Variants in KCND3 observed in about 807,000 individuals in gnomAD.
KCND3 encodes the protein potassium voltage-gated channel subfamily D member 3, also known as A-type voltage-gated potassium channel KCND3.
A neutral mutation model predicts 51.1 loss-of-function variants in KCND3; 9 were observed. That is an observed-to-expected ratio of 0.18 (90% confidence interval 0.11 to 0.31). KCND3 has a LOEUF of 0.31. Ranked by LOEUF, KCND3 falls within the 10% of genes least tolerant of loss-of-function variation. The probability of loss-of-function intolerance (pLI) is 1.00; values close to 1 mark genes in which losing one functional copy is unlikely to be tolerated. For synonymous variants in KCND3, 349 were observed against 368.0 expected (o/e 0.95, Z 0.59); for missense variants, 526 against 903.8 (o/e 0.58, Z 5.36).
chr1:111,950,692 G>A (rs1673018357), intron 2 of KCND3, among the ~76,000 whole-genome samples: 1 of 152,176 alleles, frequency 6.6e-6, no homozygotes, highest in Non-Finnish European at 1.5e-5. Flanking sequence ...AAAGGAGGAG[G>A]GCCTGGTCAG....
chr1:111,823,979 T>G (rs1204150238), intron 2 of KCND3, among the ~76,000 whole-genome samples: 1 of 152,176 alleles, frequency 6.6e-6, no homozygotes, highest in East Asian at 1.9e-4. Context: ...TGCCCAGCAC[T>G]GAGGAGTAGT....
chr1:111,901,709 CTT>C (rs1670392060), intron 2 of KCND3, among the ~76,000 whole-genome samples: 1 of 152,102 alleles, frequency 6.6e-6, no homozygotes, highest in South Asian at 2.1e-4. Context: ...AGAATGCTTT[CTT>C]TTTTTCTGAG....
At chr1:111,863,803 C>T (rs1245644662) in intron 2 of KCND3, among the ~76,000 whole-genome samples, 1 of 152,160 alleles carries the variant, frequency 6.6e-6, no homozygotes, top group African/African-American at 2.4e-5. Context: ...AAGGTGAATG[C>T]AGCAGGATGC....
chr1:111,808,231 A>T (rs574487826), intron 2 of KCND3, among the ~76,000 whole-genome samples: 115 of 151,870 alleles, frequency 7.6e-4, no homozygotes, highest in African/African-American at 2.6e-3. Flanking sequence ...TTCAAGTCTT[A>T]AAAAAAACAC....
chr1:111,776,908 T>C, intron 7 of KCND3, 118 bp downstream of exon 7: 1 of 1,542,438 alleles, frequency 6.5e-7, no homozygotes, highest in Non-Finnish European at 8.8e-7. Context: ...GAGGGGCTCA[T>C]GCATTAGATA....
At chr1:111,822,113 T>A (rs1176434290) in intron 2 of KCND3, among the ~76,000 whole-genome samples, 1 of 152,096 alleles carries the variant, frequency 6.6e-6, no homozygotes, top group Non-Finnish European at 1.5e-5. Flanking sequence ...AAAAACCATA[T>A]TCTTTTTATT....
chr1:111,778,583 C>T (rs1171361218), intron 5 of KCND3, 91 bp from the exon 6 acceptor site: 5 of 1,205,130 alleles, frequency 4.1e-6, no homozygotes, highest in South Asian at 1.2e-5. Flanking sequence ...ATCTCTTGAT[C>T]CCGGCATTCC....
chr1:111,808,492 G>C (rs1000405415), intron 2 of KCND3, among the ~76,000 whole-genome samples: 2 of 152,198 alleles, frequency 1.3e-5, no homozygotes, highest in African/African-American at 4.8e-5. Context: ...GCTTATGAGA[G>C]GTATTGCTCC....
chr1:111,884,564 C>T (rs373385766), intron 2 of KCND3, among the ~76,000 whole-genome samples: 9 of 152,258 alleles, frequency 5.9e-5, no homozygotes, highest in South Asian at 2.1e-4. Flanking sequence ...GAGGAGACCA[C>T]GCTGAGAGAT....
intron 2 of KCND3, among the ~76,000 whole-genome samples, chr1:111,967,341 C>A (rs1349111335): frequency 6.6e-6 from 1 of 152,102 alleles, no homozygotes; most frequent in African/African-American, 2.4e-5. Context: ...TGAGCTCATC[C>A]TTTAAAAAGC....
chr1:111,879,363 A>T (rs1669200293), intron 2 of KCND3, among the ~76,000 whole-genome samples: 1 of 152,150 alleles, frequency 6.6e-6, no homozygotes, highest in Non-Finnish European at 1.5e-5. Context: ...CAAAGTGTTT[A>T]CATTCTTGCC....
chr1:111,856,405 A>G (rs1250585172), intron 2 of KCND3, among the ~76,000 whole-genome samples: 1 of 152,192 alleles, frequency 6.6e-6, no homozygotes, highest in Non-Finnish European at 1.5e-5. Context: ...AGAGGATAAC[A>G]TGAGTGGAAG....
intron 2 of KCND3, among the ~76,000 whole-genome samples, chr1:111,969,759 C>T (rs1373845878): frequency 6.6e-6 from 1 of 152,188 alleles, no homozygotes; most frequent in Non-Finnish European, 1.5e-5. Flanking sequence ...TGTTTCTCCA[C>T]CTTCTGGCTA....
Position 111,776,270 on chromosome 1 carries a change from C to T in KCND3, c.1775G>A (p.Ser592Asn). ...EQPSLTTSRS[S>N]LNLKADDGLR... Reference sequence around the variant, plus strand: ...TCCGTCGTCTGCTTTCAAATTAAGGCTGGAGCGACTGGGATAGAAAAGAGT... The same window carrying T: ...TCCGTCGTCTGCTTTCAAATTAAGGTTGGAGCGACTGGGATAGAAAAGAGT... Residue 592 changes from serine to asparagine, a missense_variant, in exon 8 of 8, where the codon AGC (serine) becomes AAC (asparagine). Transcript: ENST00000302127. The T allele has an allele frequency of 1.2e-6, 2 of 1,613,888 alleles. No individual in the cohort carries two copies. Among genetic ancestry groups the T allele is most frequent in the Non-Finnish European group, 1.7e-6 (2 of 1,179,908 alleles).
chr1:111,970,464 C>A (rs1674265093), intron 2 of KCND3, among the ~76,000 whole-genome samples: 1 of 152,300 alleles, frequency 6.6e-6, no homozygotes, highest in South Asian at 2.1e-4. Flanking sequence ...AATTTTTCCA[C>A]CAAAATGATC....
intron 2 of KCND3, among the ~76,000 whole-genome samples, chr1:111,817,751 A>C (rs1043706509): frequency 3.9e-5 from 6 of 152,248 alleles, no homozygotes; most frequent in African/African-American, 1.4e-4. Flanking sequence ...CATGAGTGAT[A>C]GAAAGCTGAG....
intron 2 of KCND3, among the ~76,000 whole-genome samples, chr1:111,809,827 C>A (rs528532369): frequency 6.6e-6 from 1 of 152,192 alleles, no homozygotes; most frequent in Non-Finnish European, 1.5e-5. Context: ...GGGTCCCCAA[C>A]CTGCTCTGGG....
At chr1:111,803,763 C>CAATG (rs1476615055) in intron 2 of KCND3, among the ~76,000 whole-genome samples, 1 of 152,132 alleles carries the variant, frequency 6.6e-6, no homozygotes, top group African/African-American at 2.4e-5. Context: ...GGCTTTCATT[C>CAATG]ACCACCCTCT....
chr1:111,924,706 A>G lies in KCND3; in HGVS notation c.1106+56915T>C, dbSNP rs543294011. ...GTCAGGGCTGCCGTAGCTCAGGGCT[A>G]TTTCAGGACACTTAAGACATAACAG... On this transcript the variant is annotated intron_variant, in intron 2 of 7. Transcript: ENST00000302127. Among the ~76,000 whole-genome samples, 7 of 152,328 alleles carry G rather than the reference A, an allele frequency of 4.6e-5. No homozygotes were observed. The East Asian group carries it at 1.3e-3, about 29-fold the overall frequency.
Sources: allele counts gnomAD v4.1 joint callset (sites outside exome capture counted in the v4.1 genomes callset), GRCh38; gene constraint gnomAD v4.1.1; transcripts MANE v1.5; gene names NCBI Gene and HGNC (gene_info 2026-07-23, HGNC 2026-07-21).